The following SKI variants were observed in gnomAD, a reference collection of about 807,000 sequenced individuals.
SKI encodes SKI proto-oncogene.
Under a neutral mutation model 59.3 loss-of-function variants are expected in SKI, and 23 were observed. That is an observed-to-expected ratio of 0.39 (90% CI 0.28 to 0.55). SKI has a LOEUF of 0.55. Ranked by LOEUF, SKI falls within the 20% of genes least tolerant of loss-of-function variation. The pLI, the probability that SKI is intolerant of heterozygous loss-of-function variation, is 0.67. For missense variants in SKI, 1,017 were observed against 1,038.9 expected, an observed-to-expected ratio of 0.98 and a Z score of 0.29; for synonymous variants, 673 against 488.6, an observed-to-expected ratio of 1.38 and a Z score of -4.98.
intron 1 of SKI, among the ~76,000 whole-genome samples, chr1:2,241,006 G>C (rs1001746217): frequency 6.6e-6 from 1 of 152,208 alleles, no homozygotes; most frequent in African/African-American, 2.4e-5. Context: ...GGGCTTTGTA[G>C]GAGCTCTGTG....
At position 2,269,520 on chromosome 1, in the gene SKI, C is replaced by T. The variant is rs1166798754; in HGVS notation, c.970-33458C>T. ...AAGCCGTTTTGCAGGCTGGGTTCAT[C>T]CCCGTTCCAGGCCCGCACTAGTGGC... On this transcript the variant is annotated intron_variant, in intron 1 of 6. Transcript: ENST00000378536. This position sits in a 1 kb window ranked among gnomAD's most constrained non-coding sequence, Gnocchi z 4.7. Among the ~76,000 whole-genome samples the T allele has an allele frequency of 6.6e-6, 1 of 152,254 alleles. No homozygotes were observed. The highest frequency in any genetic ancestry group is 1.5e-5 in the Non-Finnish European group (1 of 68,046).
At chr1:2,290,428 T>C (rs1220509166) in intron 1 of SKI, among the ~76,000 whole-genome samples, 2 of 152,142 alleles carry the variant, frequency 1.3e-5, no homozygotes, top group Non-Finnish European at 2.9e-5. Context: ...CCTGAGCACC[T>C]CTCTGGCTGT....
rs1384938058 is a variant in SKI at position 2,306,794 on chromosome 1, G to C, written c.*29G>C. The C allele has an allele frequency of 6.8e-6, 10 of 1,463,674 alleles. No individual in the cohort carries two copies. Among genetic ancestry groups the C allele is most frequent in the Non-Finnish European group, 7.2e-6 (8 of 1,109,800 alleles). 90.7% of individuals were successfully genotyped at this position (1,463,674 alleles called of 1,614,324 possible). ...CCGTGCCTGCCGCCGCAGCGCCGCC[G>C]ACAACGCGGGTGCAGGGGGGCGCGG... On this transcript the variant is annotated 3_prime_UTR_variant, in exon 7 of 7. Transcript: ENST00000378536.
chr1:2,301,901 G>A (rs556990898), intron 1 of SKI, among the ~76,000 whole-genome samples: 1 of 152,294 alleles, frequency 6.6e-6, no homozygotes, highest in Admixed American at 6.5e-5. Flanking sequence ...CCTGGTGCCA[G>A]CTGCCCTGGA....
intron 1 of SKI, among the ~76,000 whole-genome samples, chr1:2,242,683 C>A (rs947840730): frequency 6.6e-6 from 1 of 152,154 alleles, no homozygotes; most frequent in African/African-American, 2.4e-5. Flanking sequence ...CCACGCCTGG[C>A]GGATATTTTT....
intron 1 of SKI, among the ~76,000 whole-genome samples, chr1:2,244,256 A>C (rs1351724392): frequency 1.3e-5 from 2 of 149,578 alleles, no homozygotes; most frequent in African/African-American, 4.9e-5. Context: ...GAGCCACTGC[A>C]CCTGGCCCCT....
In SKI at chr1:2,309,313, CATT is replaced by C. The variant is rs1032022676; in HGVS notation, c.*2551_*2553del. On this transcript the variant is annotated 3_prime_UTR_variant, in exon 7 of 7. Transcript: ENST00000378536. ...GTGATTGTGTATTCAGTTTAATTCT[CATT>C]ATATTTCTATACTGAAAGAAGATTT... 2.0e-5 allele frequency: 3 copies of C among 152,142 alleles called. No homozygotes were observed. Among genetic ancestry groups the C allele is most frequent in the African/African-American group, 4.8e-5 (2 of 41,400 alleles). The allele number at this position is 152,142 out of a possible 1,614,324, so 9.4% of individuals were successfully genotyped here.
rs757550300 is a variant in SKI at position 2,303,870 on chromosome 1, C to T, written c.1242C>T (p.Ala414=). The change falls in exon 4 of 7, where the codon GCC becomes GCT. Residue 414 remains alanine (A), a synonymous_variant. Transcript: ENST00000378536. This position sits in a 1 kb window ranked among gnomAD's most constrained non-coding sequence, Gnocchi z 5.6. ...ACTCCTACAAGAGCTTTGAGACAGC[C>T]GTGGCGCCCAACGTGGCCCTCGCAC... is the stretch of plus-strand genomic sequence containing the variant. The part of the protein sequence containing the change: ...SFYSYKSFET[A]VAPNVALAPP... The T allele has an allele frequency of 2.4e-5, 39 of 1,612,488 alleles. No homozygotes were observed. Among genetic ancestry groups the T allele is most frequent in the South Asian group, 1.4e-4 (13 of 91,058 alleles).
At chr1:2,237,643 G>C (rs1287645770) in intron 1 of SKI, among the ~76,000 whole-genome samples, 1 of 152,230 alleles carries the variant, frequency 6.6e-6, no homozygotes, top group Non-Finnish European at 1.5e-5. Context: ...TCTCTGCCGG[G>C]AAAGTAACAT....
At chr1:2,305,369 C>A (rs906178481) in intron 5 of SKI, among the ~76,000 whole-genome samples, 3 of 152,186 alleles carry the variant, frequency 2.0e-5, no homozygotes, top group Non-Finnish European at 4.4e-5. Context: ...GCAGCTTCCG[C>A]GGCGTGGGCT....
chr1:2,284,071 G>A (rs1001906586), intron 1 of SKI, among the ~76,000 whole-genome samples: 10 of 152,120 alleles, frequency 6.6e-5, no homozygotes, highest in South Asian at 4.1e-4. Context: ...CCTGTCCTCC[G>A]GGCCATCCCC....
intron 1 of SKI, among the ~76,000 whole-genome samples, chr1:2,243,956 TTTTCTTTCTTTC>T (rs372786242): frequency 6.6e-6 from 1 of 151,638 alleles, no homozygotes; most frequent in East Asian, 1.9e-4. Flanking sequence ...TTACCCAAAC[TTTTCTTTCTTTC>T]TTTCTTTCTT....
intron 1 of SKI, among the ~76,000 whole-genome samples, chr1:2,294,425 C>T (rs796750251): frequency 1.6e-4 from 25 of 152,388 alleles, no homozygotes; most frequent in African/African-American, 6.0e-4. Context: ...CCCCGACTCC[C>T]GCTGGCCTCC....
At chr1:2,293,067 G>A (rs548670270) in intron 1 of SKI, among the ~76,000 whole-genome samples, 2 of 152,194 alleles carry the variant, frequency 1.3e-5, no homozygotes, top group Non-Finnish European at 2.9e-5. Flanking sequence ...GGGGTTGGCA[G>A]GAACCCGGCA....
chr1:2,305,397 C>T (rs910450317), intron 5 of SKI, among the ~76,000 whole-genome samples: 10 of 152,166 alleles, frequency 6.6e-5, no homozygotes, highest in African/African-American at 1.7e-4. Context: ...AACACAACCC[C>T]GTCGGCCCTC....
intron 1 of SKI, among the ~76,000 whole-genome samples, chr1:2,230,950 C>T (rs1197743249): frequency 6.6e-6 from 1 of 151,996 alleles, no homozygotes; most frequent in African/African-American, 2.4e-5. Context: ...TCGGAGGGGG[C>T]TGCGGAGGGT....
chr1:2,234,808 A>G (rs187070083), intron 1 of SKI, among the ~76,000 whole-genome samples: 17 of 152,368 alleles, frequency 1.1e-4, no homozygotes, highest in Admixed American at 1.1e-3. Context: ...GTCAAAATAC[A>G]GAAGGTGAAT....
chr1:2,274,610 T>A (rs933525007), intron 1 of SKI, among the ~76,000 whole-genome samples: 1 of 152,216 alleles, frequency 6.6e-6, no homozygotes, highest in Non-Finnish European at 1.5e-5. Context: ...GCCACGTCCC[T>A]CTAACATGTT....
intron 1 of SKI, among the ~76,000 whole-genome samples, chr1:2,289,294 G>T (rs984802686): frequency 6.6e-6 from 1 of 152,190 alleles, no homozygotes; most frequent in Non-Finnish European, 1.5e-5. Flanking sequence ...CAGTGGCCAT[G>T]GCTGTTTGTC....
Sources: allele counts gnomAD v4.1 joint callset (sites outside exome capture counted in the v4.1 genomes callset), GRCh38; gene constraint gnomAD v4.1.1; non-coding constraint Gnocchi (gnomAD v3.1); transcripts MANE v1.5; gene names NCBI Gene and HGNC (gene_info 2026-07-23, HGNC 2026-07-21).